The following NCOA7 variants were observed in gnomAD, a reference collection of about 807,000 sequenced individuals.
NCOA7 encodes the protein nuclear receptor coactivator 7.
NCOA7 carries 45 observed loss-of-function variants against 104.3 expected under a neutral mutation model. That is an observed-to-expected ratio of 0.43 (90% confidence interval 0.34 to 0.55). The LOEUF is 0.55. NCOA7 is among the 20% of genes least tolerant of loss of function. The pLI is 0.02. For missense variants in NCOA7, 1,041 were observed against 1,119.7 expected, an observed-to-expected ratio of 0.93 and a Z score of 1.00; for synonymous variants, 398 against 402.3, an observed-to-expected ratio of 0.99 and a Z score of 0.13.
intron 1 of NCOA7, among the ~76,000 whole-genome samples, chr6:125,794,668 C>A (rs1775134200): frequency 6.6e-6 from 1 of 152,086 alleles, no homozygotes; most frequent in African/African-American, 2.4e-5. Context: ...ATGTTTTGAA[C>A]AAGAATTGCA....
chr6:125,882,924 G>A (rs897127858), intron 7 of NCOA7, among the ~76,000 whole-genome samples: 1 of 152,094 alleles, frequency 6.6e-6, no homozygotes, highest in Non-Finnish European at 1.5e-5. Context: ...GTATTTACAT[G>A]TCTTAAGCTC....
intron 10 of NCOA7, among the ~76,000 whole-genome samples, chr6:125,907,327 G>A (rs780118991): frequency 2.0e-5 from 3 of 152,170 alleles, no homozygotes; most frequent in African/African-American, 4.8e-5. Context: ...AGGTTTGGGC[G>A]ACTCTAGTGA....
intron 2 of NCOA7, 124 bp downstream of exon 2, chr6:125,815,528 GA>G: frequency 1.4e-6 from 1 of 717,904 alleles, no homozygotes; most frequent in Non-Finnish European, 2.3e-6. Context: ...AGGTAACCAG[GA>G]GAAGTAAACT....
chr6:125,929,532 G>A lies in NCOA7; in HGVS notation c.*761G>A, dbSNP rs556271767. 6.6e-6 allele frequency: 1 copy of A among 151,960 alleles called. No individual in the cohort carries two copies. The highest frequency in any genetic ancestry group is 1.9e-4 in the East Asian group (1 of 5,162). The allele number at this position is 151,960 out of a possible 1,614,324, so 9.4% of individuals were successfully genotyped here. ...TATGTACATATACATATATATGAGT[G>A]TATAATTCTAAATTTCTAAAAACTC... On this transcript the variant is annotated 3_prime_UTR_variant, in exon 16 of 16. Transcript: ENST00000392477.
At position 125,929,999 on chromosome 6, in the gene NCOA7, T is replaced by C. The variant is rs1321706249; in HGVS notation, c.*1228T>C. 1 of 152,334 alleles carries C rather than the reference T, an allele frequency of 6.6e-6. No homozygotes were observed. Among genetic ancestry groups the C allele is most frequent in the East Asian group, 1.9e-4 (1 of 5,190 alleles). 9.4% of individuals were successfully genotyped at this position (152,334 alleles called of 1,614,324 possible). ...CAAAGAAATGCATTCATATCAAAAT[T>C]GGAATAGAAAGGAAAACCTATTTTT... On this transcript the variant is annotated 3_prime_UTR_variant, in exon 16 of 16. Coordinates refer to ENST00000392477, the MANE Select transcript of NCOA7 (RefSeq NM_181782.5).
At chr6:125,899,708 T>C (rs932736251) in intron 10 of NCOA7, among the ~76,000 whole-genome samples, 1 of 152,222 alleles carries the variant, frequency 6.6e-6, no homozygotes, top group African/African-American at 2.4e-5. Context: ...CTGCTTGCTC[T>C]CCCTTCCTGA....
At chr6:125,816,199 G>T (rs949013292) in intron 2 of NCOA7, among the ~76,000 whole-genome samples, 1 of 152,156 alleles carries the variant, frequency 6.6e-6, no homozygotes, top group Non-Finnish European at 1.5e-5. Context: ...GAGCCTTGGA[G>T]CCAAAACCAA....
chr6:125,859,968 T>C (rs969895144), intron 3 of NCOA7, among the ~76,000 whole-genome samples: 5 of 152,128 alleles, frequency 3.3e-5, no homozygotes, highest in Non-Finnish European at 7.4e-5. Context: ...TGCCTTGTTT[T>C]TTGAGAGGGA....
intron 3 of NCOA7, among the ~76,000 whole-genome samples, chr6:125,865,947 C>T (rs1482519366): frequency 7.3e-6 from 1 of 137,706 alleles, no homozygotes; most frequent in Non-Finnish European, 1.5e-5. Flanking sequence ...CTCAGCCTTC[C>T]AGTGTTCTGG....
intron 10 of NCOA7, among the ~76,000 whole-genome samples, chr6:125,902,107 A>AT (rs1349330176): frequency 2.6e-5 from 4 of 151,838 alleles, no homozygotes; most frequent in African/African-American, 9.7e-5. Flanking sequence ...AAAAAGTAAC[A>AT]TTTGGGGGGA....
chr6:125,837,332 G>A (rs550235440), intron 2 of NCOA7, among the ~76,000 whole-genome samples: 1 of 152,252 alleles, frequency 6.6e-6, no homozygotes, highest in African/African-American at 2.4e-5. Flanking sequence ...AACCAGCCAT[G>A]CCTTGGTCCA....
intron 1 of NCOA7, among the ~76,000 whole-genome samples, chr6:125,782,176 GCTTT>G (rs1774258335): frequency 1.3e-5 from 2 of 152,120 alleles, no homozygotes; most frequent in South Asian, 4.2e-4. Flanking sequence ...ACTTAATTTT[GCTTT>G]CTTTTTACTT....
At position 125,917,633 on chromosome 6, in the gene NCOA7, G is replaced by A. The variant is rs1279450962; in HGVS notation, c.2244+2153G>A. ...GGTTTATTTTGCTAAGGTTGAGGATGCATCTGGTTAGGGAGGGAAAAAGAG... is the reference window on the plus strand; with the variant it reads ...GGTTTATTTTGCTAAGGTTGAGGATACATCTGGTTAGGGAGGGAAAAAGAG... On this transcript the variant is annotated intron_variant, in intron 11 of 15. Transcript: ENST00000392477. 3.3e-5 allele frequency among the ~76,000 whole-genome samples: 5 copies of A among 152,286 alleles called. No homozygotes were observed. In the East Asian group the frequency reaches 7.7e-4, roughly 23 times the overall value.
chr6:125,832,542 A>G (rs946586506), intron 2 of NCOA7, among the ~76,000 whole-genome samples: 1 of 152,180 alleles, frequency 6.6e-6, no homozygotes, highest in African/African-American at 2.4e-5. Context: ...GGATAGGGGA[A>G]ATGAAGTTTG....
chr6:125,815,543 C>A, intron 2 of NCOA7, 139 bp downstream of exon 2: 1 of 639,554 alleles, frequency 1.6e-6, no homozygotes, highest in South Asian at 2.1e-5. Context: ...GTAAACTATA[C>A]TTTGCTTCAT....
intron 13 of NCOA7, among the ~76,000 whole-genome samples, chr6:125,924,861 G>T (rs1471378919): frequency 6.6e-6 from 1 of 152,166 alleles, no homozygotes; most frequent in Non-Finnish European, 1.5e-5. Context: ...GGGTTATGGT[G>T]TACCCTCTCT....
chr6:125,877,448 C>A (rs1442088992), intron 4 of NCOA7, among the ~76,000 whole-genome samples: 1 of 152,180 alleles, frequency 6.6e-6, no homozygotes, highest in African/African-American at 2.4e-5. Flanking sequence ...GAGTGACCTC[C>A]CACTAGCAAG....
At chr6:125,905,770 G>A (rs544244756) in intron 10 of NCOA7, among the ~76,000 whole-genome samples, 6 of 152,136 alleles carry the variant, frequency 3.9e-5, no homozygotes, top group African/African-American at 4.8e-5. Context: ...AATAAAATCC[G>A]AACCCTTTTT....
In NCOA7 at chr6:125,885,304, A is replaced by G. The variant is rs564180167; in HGVS notation, c.845A>G (p.Asn282Ser). 3.2e-5 allele frequency: 52 copies of G among 1,613,962 alleles called. No homozygotes were observed. In the South Asian group the frequency reaches 3.5e-4, roughly 11 times the overall value. Reference protein sequence around the residue: ...MEEVVSIALYNDISHMKIKDA... With the variant: ...MEEVVSIALYSDISHMKIKDA... The stretch of plus-strand genomic sequence containing the variant: ...GAGGTTGTTTCCATTGCGCTCTACA[A>G]TGACATTTCTCACATGAAGATCAAA... Residue 282 changes from asparagine (N) to serine (S), a missense_variant, in exon 8 of 16, where the codon AAT (asparagine) becomes AGT (serine). By Grantham distance (46) the Asn-to-Ser change is conservative. Around this residue, in one of 2 missense-constraint regions of NCOA7, gnomAD observed 914 missense variants for 942.7 expected, o/e 0.97. Transcript: ENST00000392477.
Sources: gnomAD v4.1 joint callset for allele counts (sites outside exome capture counted in the v4.1 genomes callset) on GRCh38, gnomAD v4.1.1 for gene constraint, gnomAD v4.1.1 regional missense constraint, MANE v1.5 for transcripts, NCBI Gene and HGNC (gene_info 2026-07-23, HGNC 2026-07-21) for gene names.